Variants in COG7 observed in about 807,000 individuals in gnomAD.
COG7 encodes component of oligomeric golgi complex 7, also known as conserved oligomeric Golgi complex subunit 7.
COG7 carries 49 observed loss-of-function variants against 91.5 expected under a neutral mutation model. The observed-to-expected ratio is 0.54, with a 90% CI of 0.43 to 0.68. The LOEUF is 0.68. COG7 is among the 30% of genes least tolerant of loss of function. The pLI, the probability that COG7 is intolerant of heterozygous loss-of-function variation, is 0.00. For missense variants in COG7, 895 were observed against 961.3 expected, an observed-to-expected ratio of 0.93 and a Z score of 0.91; for synonymous variants, 365 against 388.7, an observed-to-expected ratio of 0.94 and a Z score of 0.72.
chr16:23,398,579 A>C (rs1186053261), intron 13 of COG7, among the ~76,000 whole-genome samples: 2 of 152,170 alleles, frequency 1.3e-5, no homozygotes, highest in East Asian at 3.9e-4. Flanking sequence ...GAGGTCCCCC[A>C]CAGAGGCCAC....
At chr16:23,418,859 G>T in intron 7 of COG7, 32 bp from the exon 8 acceptor site, 2 of 1,605,734 alleles carry the variant, frequency 1.2e-6, no homozygotes, top group South Asian at 2.2e-5. Flanking sequence ...AAACGATAAT[G>T]AACAAAGAAT....
At chr16:23,404,452 T>C (rs1367657253) in intron 12 of COG7, among the ~76,000 whole-genome samples, 1 of 152,236 alleles carries the variant, frequency 6.6e-6, no homozygotes, top group African/African-American at 2.4e-5. Flanking sequence ...CACAGAAGCA[T>C]GGATGAATGA....
At chr16:23,441,846 G>C (rs1964106584) in intron 4 of COG7, 1 of 152,988 alleles carries the variant, frequency 6.5e-6, no homozygotes, top group Non-Finnish European at 1.5e-5. Context: ...ATTCGCACTA[G>C]AAGACAGAAT....
At chr16:23,404,134 T>C (rs1465971947) in intron 12 of COG7, among the ~76,000 whole-genome samples, 1 of 152,204 alleles carries the variant, frequency 6.6e-6, no homozygotes, top group Non-Finnish European at 1.5e-5. Context: ...ACAAGCAGTT[T>C]AGGAAAAATT....
chr16:23,424,776 A>G lies in COG7; in HGVS notation c.982T>C (p.Leu328=), dbSNP rs367607183. 6.2e-7 allele frequency: 1 copy of G among 1,614,224 alleles called. No individual in the cohort carries two copies. ...YDATAHFAKG[L]EMALLPHLHE... is the part of the protein sequence containing the mutation. ...AGGTGGGGGAGCAGTGCCATCTCCA[A>G]GCCCTTGGCGAAGTGGGCGGTGGCG... The change falls in exon 7 of 17, where the codon TTG becomes CTG. Residue 328 remains leucine, a synonymous_variant. Transcript: ENST00000307149.
At chr16:23,404,178 G>A (rs1410883324) in intron 12 of COG7, among the ~76,000 whole-genome samples, 1 of 152,242 alleles carries the variant, frequency 6.6e-6, no homozygotes, top group East Asian at 1.9e-4. Flanking sequence ...TAGAGGAGGT[G>A]GGAAAGAGGG....
intron 1 of COG7, among the ~76,000 whole-genome samples, chr16:23,452,088 T>C (rs980812353): frequency 2.0e-5 from 3 of 152,194 alleles, no homozygotes; most frequent in Non-Finnish European, 1.5e-5. Context: ...TTTTATCTTA[T>C]ATTCTGGAAG....
At chr16:23,389,159 T>A in intron 16 of COG7, 73 bp from the exon 17 acceptor site, 1 of 1,556,570 alleles carries the variant, frequency 6.4e-7, no homozygotes, top group Non-Finnish European at 8.7e-7. Flanking sequence ...CCACAGGGCC[T>A]CCCCTGAATA....
intron 7 of COG7, among the ~76,000 whole-genome samples, chr16:23,423,981 TG>T (rs1251313447): frequency 6.6e-6 from 1 of 152,192 alleles, no homozygotes; most frequent in Non-Finnish European, 1.5e-5. Flanking sequence ...TCCCCTGCCC[TG>T]GGACACTTGC....
chr16:23,434,804 A>G (rs1315722019), intron 4 of COG7, 86 bp from the exon 5 acceptor site: 2 of 864,094 alleles, frequency 2.3e-6, no homozygotes, highest in Non-Finnish European at 3.9e-6. Context: ...AGGTGGATAT[A>G]TGGAAGCTAG....
At chr16:23,444,045 G>A (rs543369025) in intron 3 of COG7, among the ~76,000 whole-genome samples, 4 of 151,874 alleles carry the variant, frequency 2.6e-5, no homozygotes, top group East Asian at 3.9e-4. Context: ...CCAGGTACTC[G>A]GGAGGCTGAG....
intron 12 of COG7, among the ~76,000 whole-genome samples, chr16:23,404,428 T>A (rs973571933): frequency 1.3e-5 from 2 of 152,246 alleles, no homozygotes; most frequent in African/African-American, 4.8e-5. Flanking sequence ...TAAACAGAGT[T>A]GCTTTAACCT....
chr16:23,452,289 T>C (rs141738892), intron 1 of COG7, among the ~76,000 whole-genome samples: 67 of 152,350 alleles, frequency 4.4e-4, no homozygotes, highest in African/African-American at 1.6e-3. Flanking sequence ...AGGCCAGATG[T>C]GGTGGCTCAC....
In COG7 at chr16:23,410,397, T is replaced by G. The variant is rs1327250109; in HGVS notation, c.1410-37A>C. 5.2e-6 allele frequency: 8 copies of G among 1,544,610 alleles called. No individual in the cohort carries two copies. In the South Asian group the frequency reaches 9.0e-5, roughly 17 times the overall value. ...AAAAAGCACTTCAAGTTCAAGTATCTGGAATGCCAGCCTTTACAGGACAAA... is the reference window on the plus strand; with the variant it reads ...AAAAAGCACTTCAAGTTCAAGTATCGGGAATGCCAGCCTTTACAGGACAAA... On this transcript the variant is annotated intron_variant, in intron 10 of 16. Transcript: ENST00000307149.
intron 7 of COG7, among the ~76,000 whole-genome samples, chr16:23,423,288 A>G (rs949757133): frequency 3.3e-5 from 5 of 152,028 alleles, no homozygotes; most frequent in African/African-American, 1.2e-4. Context: ...AATTGTTTGA[A>G]CCCAGGAGGT....
chr16:23,445,992 A>C (rs1964176561), intron 1 of COG7, 31 bp from the exon 2 acceptor site: 1 of 1,599,824 alleles, frequency 6.3e-7, no homozygotes, highest in Non-Finnish European at 8.5e-7. Flanking sequence ...AAAAACAACA[A>C]CAACAGCGAT....
intron 6 of COG7, among the ~76,000 whole-genome samples, chr16:23,430,918 C>T (rs1329110739): frequency 6.6e-6 from 1 of 151,672 alleles, no homozygotes; most frequent in Non-Finnish European, 1.5e-5. Context: ...AATCCTAGCA[C>T]TTTGGGAGGC....
At chr16:23,413,118 T>C (rs776442138) in intron 10 of COG7, 23 of 330,926 alleles carry the variant, frequency 7.0e-5, no homozygotes, top group Non-Finnish European at 1.3e-4. Context: ...ACATAAGCCC[T>C]AAGTTATTTT....
intron 6 of COG7, among the ~76,000 whole-genome samples, chr16:23,429,760 G>A (rs575752168): frequency 2.2e-4 from 33 of 151,152 alleles, no homozygotes; most frequent in South Asian, 4.2e-4. Flanking sequence ...GCGAAACTCC[G>A]TCTCAAAAAA....
Sources: allele counts gnomAD v4.1 joint callset (sites outside exome capture counted in the v4.1 genomes callset), GRCh38; gene constraint gnomAD v4.1.1; transcripts MANE v1.5; gene names NCBI Gene and HGNC (gene_info 2026-07-23, HGNC 2026-07-21).